CDH11: variants seen among roughly 807,000 people sequenced by gnomAD.
The protein encoded by CDH11 is cadherin-11.
In CDH11, 11 loss-of-function variants were observed where a neutral mutation model predicts 67.8. That is an observed-to-expected ratio of 0.16 (90% CI 0.10 to 0.27). The LOEUF is 0.27. CDH11 is among the 10% of genes least tolerant of loss of function. CDH11 has a pLI of 1.00. For missense variants in CDH11, 847 were observed against 1,031.2 expected, an observed-to-expected ratio of 0.82 and a Z score of 2.45; for synonymous variants, 419 against 400.0, an observed-to-expected ratio of 1.05 and a Z score of -0.57.
rs565044007 is a variant in CDH11, at chr16:64,951,061, A to G, written c.1643-43T>C. ...ACAGGCCGTGCGCCCAGTCAAGACC[A>G]TTGGAATCACAGCGGCTCTCTGCTC... is the stretch of plus-strand genomic sequence containing the variant. On this transcript the variant is annotated intron_variant, in intron 11 of 12. Coordinates refer to ENST00000268603, the MANE Select transcript of CDH11 (RefSeq NM_001797.4). 1,009 of 1,589,578 alleles carry G rather than the reference A, an allele frequency of 6.3e-4. 8 individuals are homozygous for G. In the South Asian group the frequency reaches 9.9e-3, roughly 16 times the overall value.
intron 7 of CDH11, chr16:64,984,555 T>G (rs999441096): frequency 1.3e-5 from 2 of 152,232 alleles, no homozygotes; most frequent in Admixed American, 1.3e-4. Context: ...CGTAGTTTAC[T>G]AATCCCACCT....
At chr16:65,084,336 G>T (rs1323338337) in intron 1 of CDH11, among the ~76,000 whole-genome samples, 1 of 151,892 alleles carries the variant, frequency 6.6e-6, no homozygotes, top group African/African-American at 2.4e-5. Flanking sequence ...CATGCCTGTA[G>T]TCCTAGCTAC....
chr16:65,046,562 C>T (rs1290671446), intron 2 of CDH11, among the ~76,000 whole-genome samples: 1 of 152,194 alleles, frequency 6.6e-6, no homozygotes, highest in Non-Finnish European at 1.5e-5. Context: ...GGGAGAGGAA[C>T]TGCACTCTGG....
intron 1 of CDH11, among the ~76,000 whole-genome samples, chr16:65,069,134 GTTGTAATAGGAGAA>G: frequency 6.6e-6 from 1 of 152,142 alleles, no homozygotes; most frequent in Non-Finnish European, 1.5e-5. Context: ...CAATTGCCTT[GTTGTAATAGGAGAA>G]CGTTTAAGTA....
chr16:64,945,360 C>G lies in CDH11; in HGVS notation c.*2243G>C. The G allele has an allele frequency of 1.3e-5, 12 of 940,154 alleles. No individual in the cohort carries two copies. Among genetic ancestry groups the G allele is most frequent in the Non-Finnish European group, 1.5e-5 (12 of 780,888 alleles). 58.2% of individuals were successfully genotyped at this position (940,154 alleles called of 1,614,324 possible). A position where few individuals can be genotyped will look rare whatever the true frequency, so the allele number is the denominator to read the frequency against. ...GTATTCTTAACTACTGAAAAGTAAA[C>G]AGCCTTTTTAAAAAAGACTTCAACA... On this transcript the variant is annotated 3_prime_UTR_variant, in exon 13 of 13. Coordinates refer to ENST00000268603, the MANE Select transcript of CDH11 (RefSeq NM_001797.4).
chr16:64,969,498 G>C (rs961438061), intron 11 of CDH11, among the ~76,000 whole-genome samples: 44 of 152,174 alleles, frequency 2.9e-4, no homozygotes, highest in African/African-American at 1.1e-3. Context: ...GAGAACATCT[G>C]AGTTTTCTGG....
intron 1 of CDH11, among the ~76,000 whole-genome samples, chr16:65,100,831 A>G (rs2074979253): frequency 6.6e-6 from 1 of 152,140 alleles, no homozygotes; most frequent in Admixed American, 6.5e-5. Context: ...GGCATCCCCC[A>G]CCAGAATGGC....
chr16:65,121,195 G>C lies in CDH11; in HGVS notation c.-298+685C>G, dbSNP rs964190372. Among the ~76,000 whole-genome samples the C allele has an allele frequency of 1.3e-5, 2 of 152,204 alleles. No individual in the cohort carries two copies. Among genetic ancestry groups the C allele is most frequent in the Non-Finnish European group, 2.9e-5 (2 of 68,042 alleles). On this transcript the variant is annotated intron_variant, in intron 1 of 12. Coordinates refer to ENST00000268603, the MANE Select transcript of CDH11 (RefSeq NM_001797.4). The surrounding 1 kb of genome is among the most constrained non-coding windows in gnomAD (Gnocchi z 4.1). ...CCTGCGCTGGTGGGAGCTTACAAAC[G>C]GGCGCCAGAGCTCCCGCAGAGACTC... is the stretch of plus-strand genomic sequence containing the variant.
intron 11 of CDH11, among the ~76,000 whole-genome samples, chr16:64,967,372 C>G (rs548140969): frequency 6.6e-6 from 1 of 152,196 alleles, no homozygotes; most frequent in African/African-American, 2.4e-5. Flanking sequence ...TGCACACCGG[C>G]CAAGCCCAGC....
intron 4 of CDH11, among the ~76,000 whole-genome samples, chr16:64,995,334 T>C (rs1198394902): frequency 6.6e-6 from 1 of 152,154 alleles, no homozygotes; most frequent in African/African-American, 2.4e-5. Context: ...CTTACCCAAC[T>C]TCAAGCTATA....
At chr16:65,040,193 TCCC>T in intron 2 of CDH11, among the ~76,000 whole-genome samples, 1 of 152,212 alleles carries the variant, frequency 6.6e-6, no homozygotes, top group African/African-American at 2.4e-5. Context: ...AACCCAGCCA[TCCC>T]ATTACTGGGT....
intron 2 of CDH11, among the ~76,000 whole-genome samples, chr16:65,030,503 C>T (rs1028760989): frequency 4.6e-5 from 7 of 152,144 alleles, no homozygotes; most frequent in East Asian, 1.9e-4. Context: ...AGTGCCCATG[C>T]GTAGTCCTCA....
chr16:65,115,167 C>T (rs150160787), intron 1 of CDH11, among the ~76,000 whole-genome samples: 2 of 152,008 alleles, frequency 1.3e-5, no homozygotes, highest in Non-Finnish European at 2.9e-5. Context: ...ACCACAGCAA[C>T]CCATACGCAG....
Position 65,121,438 on chromosome 16 carries a change from T to C in CDH11, c.-298+442A>G, listed in dbSNP as rs2075327595. ...GTAAGAACCCCGCAGAGCGCGGTCA[T>C]GTCGCCGCTTTGGGGAAGCGGCGCA... On this transcript the variant is annotated intron_variant, in intron 1 of 12. Transcript: ENST00000268603. This position sits in a 1 kb window ranked among gnomAD's most constrained non-coding sequence, Gnocchi z 4.1. Among the ~76,000 whole-genome samples, 1 of 152,142 alleles carries C rather than the reference T, an allele frequency of 6.6e-6. No homozygotes were observed. Among genetic ancestry groups the C allele is most frequent in the Non-Finnish European group, 1.5e-5 (1 of 68,018 alleles).
chr16:65,078,516 A>G (rs1159735854), intron 1 of CDH11, among the ~76,000 whole-genome samples: 6 of 152,158 alleles, frequency 3.9e-5, no homozygotes, highest in Non-Finnish European at 1.5e-5. Context: ...TTCCCCCATT[A>G]AATACATCAT....
intron 3 of CDH11, among the ~76,000 whole-genome samples, chr16:65,002,669 T>C (rs557000970): frequency 4.1e-4 from 63 of 152,354 alleles, no homozygotes; most frequent in African/African-American, 1.4e-3. Context: ...ATGTCAATTA[T>C]GTGAACATGA....
chr16:65,094,951 AT>A lies in CDH11; in HGVS notation c.-298+26928del, dbSNP rs2074862957. On this transcript the variant is annotated intron_variant, in intron 1 of 12. Transcript: ENST00000268603. ...TAAATTACCCAGGATGTGGAGTTTTATTGTAGCAGCACAAAGAAATTAAGAC... is the reference window on the plus strand; with the variant it reads ...TAAATTACCCAGGATGTGGAGTTTTATGTAGCAGCACAAAGAAATTAAGAC... 3 of 152,300 alleles carry A rather than the reference AT, an allele frequency of 2.0e-5. No homozygotes were observed. The South Asian group carries it at 6.2e-4, about 32-fold the overall frequency. The allele number at this position is 152,300 out of a possible 1,614,324, so 9.4% of individuals were successfully genotyped here. A position where few individuals can be genotyped will look rare whatever the true frequency, so the allele number is the denominator to read the frequency against.
At chr16:65,043,919 T>C (rs1240302041) in intron 2 of CDH11, among the ~76,000 whole-genome samples, 2 of 152,164 alleles carry the variant, frequency 1.3e-5, no homozygotes, top group African/African-American at 2.4e-5. Flanking sequence ...TAGGCTCTGC[T>C]TCACCTCTTT....
At chr16:65,075,771 C>A (rs1401290242) in intron 1 of CDH11, among the ~76,000 whole-genome samples, 3 of 152,188 alleles carry the variant, frequency 2.0e-5, no homozygotes, top group East Asian at 3.9e-4. Context: ...GTATTGGATA[C>A]ACCAACTCTC....
Sources: allele counts gnomAD v4.1 joint callset (sites outside exome capture counted in the v4.1 genomes callset), GRCh38; gene constraint gnomAD v4.1.1; non-coding constraint Gnocchi (gnomAD v3.1); transcripts MANE v1.5; gene names NCBI Gene and HGNC (gene_info 2026-07-23, HGNC 2026-07-21).